Variants in STXBP5L observed in about 807,000 individuals in gnomAD.
STXBP5L encodes syntaxin binding protein 5L.
Under a neutral mutation model 144.5 loss-of-function variants are expected in STXBP5L, and 65 were observed. The ratio of observed to expected loss-of-function variants is 0.45; its 90% CI spans 0.37 to 0.55. STXBP5L has a LOEUF of 0.55. Ranked by LOEUF, STXBP5L falls within the 20% of genes least tolerant of loss-of-function variation. The pLI is 0.00. For synonymous variants in STXBP5L, 505 were observed against 469.6 expected, an observed-to-expected ratio of 1.08 and a Z score of -0.97; for missense variants, 1,298 against 1,405.5, an observed-to-expected ratio of 0.92 and a Z score of 1.22.
chr3:121,051,384 G>A (rs1446220655), intron 5 of STXBP5L, among the ~76,000 whole-genome samples: 1 of 152,078 alleles, frequency 6.6e-6, no homozygotes, highest in Non-Finnish European at 1.5e-5. Flanking sequence ...ATAACAAACT[G>A]TCTCTCAGAC....
chr3:121,065,744 T>C (rs1016261780), intron 5 of STXBP5L, among the ~76,000 whole-genome samples: 1 of 152,134 alleles, frequency 6.6e-6, no homozygotes, highest in Non-Finnish European at 1.5e-5. Flanking sequence ...ATATATATTA[T>C]TAGCTGACTT....
At chr3:121,164,093 C>T (rs1266346867) in intron 9 of STXBP5L, among the ~76,000 whole-genome samples, 3 of 152,016 alleles carry the variant, frequency 2.0e-5, no homozygotes, top group Non-Finnish European at 4.4e-5. Context: ...AACCCCATAC[C>T]CACTAGCAGT....
At chr3:121,020,545 C>T (rs767808827) in intron 3 of STXBP5L, among the ~76,000 whole-genome samples, 3 of 152,156 alleles carry the variant, frequency 2.0e-5, no homozygotes, top group Non-Finnish European at 4.4e-5. Flanking sequence ...GAAAACCTAT[C>T]AGATTAACAG....
intron 9 of STXBP5L, among the ~76,000 whole-genome samples, chr3:121,200,640 A>G (rs2048102551): frequency 6.6e-6 from 1 of 152,088 alleles, no homozygotes; most frequent in Admixed American, 6.6e-5. Context: ...TGCTCTTAAC[A>G]CTGATTTAGC....
intron 3 of STXBP5L, among the ~76,000 whole-genome samples, chr3:120,992,493 C>A (rs1166676498): frequency 1.3e-5 from 2 of 152,058 alleles, no homozygotes; most frequent in Non-Finnish European, 2.9e-5. Flanking sequence ...CCATTCTACA[C>A]TCTACCTTCA....
chr3:121,020,012 G>A (rs951311403), intron 3 of STXBP5L, among the ~76,000 whole-genome samples: 1 of 152,014 alleles, frequency 6.6e-6, no homozygotes, highest in Non-Finnish European at 1.5e-5. Flanking sequence ...CCAACTTAAC[G>A]AAATAAGAAA....
intron 19 of STXBP5L, among the ~76,000 whole-genome samples, chr3:121,292,038 A>G (rs1244634055): frequency 6.6e-6 from 1 of 152,204 alleles, no homozygotes; most frequent in Non-Finnish European, 1.5e-5. Context: ...TGCAGCAAAA[A>G]CAAAGATAAA....
intron 3 of STXBP5L, among the ~76,000 whole-genome samples, chr3:120,979,784 C>G (rs557033141): frequency 1.3e-5 from 2 of 152,236 alleles, no homozygotes; most frequent in East Asian, 1.9e-4. Context: ...CTACCTTTGG[C>G]TTTGTTCTTG....
At chr3:121,337,642 A>G (rs2044556555) in intron 20 of STXBP5L, among the ~76,000 whole-genome samples, 1 of 152,120 alleles carries the variant, frequency 6.6e-6, no homozygotes, top group South Asian at 2.1e-4. Flanking sequence ...ACAGCACTAG[A>G]CAGATAATCA....
intron 20 of STXBP5L, among the ~76,000 whole-genome samples, chr3:121,338,976 G>A (rs1486866168): frequency 6.6e-6 from 1 of 152,022 alleles, no homozygotes; most frequent in African/African-American, 2.4e-5. Flanking sequence ...GACATTCAAA[G>A]AATTGGCGCC....
chr3:120,975,169 T>C lies in STXBP5L; in HGVS notation c.287+20132T>C, dbSNP rs1322186151. Among the ~76,000 whole-genome samples the C allele has an allele frequency of 3.3e-5, 5 of 152,128 alleles. No individual in the cohort carries two copies. The East Asian group carries it at 5.8e-4, about 18-fold the overall frequency. On this transcript the variant is annotated intron_variant, in intron 3 of 26. Transcript: ENST00000471454. ...TTTTCACGATATTGCTTCTTCCTAC[T>C]CATGAGCATGGAATATTCTTCCATT...
At chr3:121,084,240 A>G (rs1193966813) in intron 5 of STXBP5L, among the ~76,000 whole-genome samples, 1 of 152,124 alleles carries the variant, frequency 6.6e-6, no homozygotes, top group Non-Finnish European at 1.5e-5. Flanking sequence ...ATACATGTGT[A>G]AGACATGGAA....
intron 9 of STXBP5L, among the ~76,000 whole-genome samples, chr3:121,196,303 T>G (rs2047917757): frequency 6.6e-6 from 1 of 151,364 alleles, no homozygotes; most frequent in Non-Finnish European, 1.5e-5. Context: ...CCTGGCTAAT[T>G]TTTTTTTGTA....
intron 5 of STXBP5L, among the ~76,000 whole-genome samples, chr3:121,067,492 T>C (rs1410607087): frequency 6.6e-6 from 1 of 152,174 alleles, no homozygotes; most frequent in African/African-American, 2.4e-5. Context: ...TCATAGTATA[T>C]GGTTTTAGCT....
At chr3:121,122,470 A>G (rs922542644) in intron 7 of STXBP5L, among the ~76,000 whole-genome samples, 2 of 151,372 alleles carry the variant, frequency 1.3e-5, no homozygotes, top group Non-Finnish European at 3.0e-5. Flanking sequence ...ATGTATACGA[A>G]TAGCCATGAC....
intron 22 of STXBP5L, among the ~76,000 whole-genome samples, chr3:121,401,818 G>A (rs374168673): frequency 2.2e-4 from 30 of 136,672 alleles, no homozygotes; most frequent in East Asian, 1.1e-3. Flanking sequence ...TGGGTGCAGC[G>A]CACCAGCATG....
intron 20 of STXBP5L, among the ~76,000 whole-genome samples, chr3:121,362,383 C>T (rs1191316925): frequency 2.0e-5 from 3 of 152,188 alleles, no homozygotes; most frequent in African/African-American, 7.2e-5. Flanking sequence ...GGTGGCAAGG[C>T]CCCCTAGGTC....
At chr3:121,033,333 A>G (rs1236619820) in intron 3 of STXBP5L, among the ~76,000 whole-genome samples, 1 of 116,286 alleles carries the variant, frequency 8.6e-6, no homozygotes, top group Non-Finnish European at 1.7e-5. Context: ...AAAAAACCAA[A>G]CACCGCATAT....
At chr3:120,922,868 C>T (rs1709425394) in intron 2 of STXBP5L, among the ~76,000 whole-genome samples, 1 of 151,692 alleles carries the variant, frequency 6.6e-6, no homozygotes, top group South Asian at 2.1e-4. Flanking sequence ...TAATTCTGGT[C>T]TCATAGGATA....
Sources: allele counts gnomAD v4.1 joint callset (sites outside exome capture counted in the v4.1 genomes callset), GRCh38; gene constraint gnomAD v4.1.1; transcripts MANE v1.5; gene names NCBI Gene and HGNC (gene_info 2026-07-23, HGNC 2026-07-21).